The following ARID1A variants were observed in gnomAD, a reference collection of about 807,000 sequenced individuals.
The protein encoded by ARID1A is AT-rich interactive domain-containing protein 1A.
A neutral mutation model predicts 212.6 loss-of-function variants in ARID1A; 20 were observed. The observed-to-expected ratio is 0.09, with a 90% CI of 0.07 to 0.14. The LOEUF (loss-of-function observed/expected upper bound fraction) is 0.14. ARID1A is among the 10% of genes least tolerant of loss of function. The pLI is 1.00. For missense variants in ARID1A, 2,587 were observed against 3,059.0 expected, an observed-to-expected ratio of 0.85 and a Z score of 3.64; for synonymous variants, 1,376 against 1,222.1, an observed-to-expected ratio of 1.13 and a Z score of -2.63.
intron 1 of ARID1A, among the ~76,000 whole-genome samples, chr1:26,697,893 G>T (rs1364666574): frequency 6.6e-6 from 1 of 152,052 alleles, no homozygotes; most frequent in Non-Finnish European, 1.5e-5. Context: ...TAGGAGTGTA[G>T]GCAGTGGTAG....
At chr1:26,701,246 C>G (rs1273999049) in intron 1 of ARID1A, among the ~76,000 whole-genome samples, 1 of 152,190 alleles carries the variant, frequency 6.6e-6, no homozygotes, top group Admixed American at 6.5e-5. Context: ...ATTCTAGAAG[C>G]AACTGAAGCT....
At chr1:26,776,137 G>GA (rs2081132830) in intron 19 of ARID1A, among the ~76,000 whole-genome samples, 1 of 151,800 alleles carries the variant, frequency 6.6e-6, no homozygotes, top group South Asian at 2.1e-4. Context: ...GGCCCAGCCT[G>GA]AATCTGTGGT....
intron 1 of ARID1A, among the ~76,000 whole-genome samples, chr1:26,724,160 A>G (rs999022825): frequency 1.3e-5 from 2 of 152,182 alleles, no homozygotes; most frequent in Admixed American, 6.5e-5. Flanking sequence ...AATAATACTT[A>G]AATGTCCAAA....
At chr1:26,736,384 C>T (rs1223421188) in intron 4 of ARID1A, among the ~76,000 whole-genome samples, 1 of 150,062 alleles carries the variant, frequency 6.7e-6, no homozygotes, top group Non-Finnish European at 1.5e-5. Context: ...AATCCCAGCA[C>T]TTTGGGAGGC....
At chr1:26,739,703 G>C (rs886656018) in intron 4 of ARID1A, among the ~76,000 whole-genome samples, 31 of 152,144 alleles carry the variant, frequency 2.0e-4, no homozygotes, top group Admixed American at 5.9e-4. Context: ...CGGAGCCCTT[G>C]CCCTGCCAGT....
In ARID1A at chr1:26,746,144, T is replaced by C. The variant is rs570843891; in HGVS notation, c.1920+13352T>C. 8.5e-5 allele frequency among the ~76,000 whole-genome samples: 13 copies of C among 152,296 alleles called. No homozygotes were observed. In the South Asian group the frequency reaches 1.2e-3, roughly 15 times the overall value. The stretch of plus-strand genomic sequence containing the variant: ...AAAGGGAAGGAGTTATGAACAGATA[T>C]GAGGTTGAGATTTCTAGATTTCTAG... On this transcript the variant is annotated intron_variant, in intron 4 of 19. Coordinates refer to ENST00000324856, the MANE Select transcript of ARID1A (RefSeq NM_006015.6).
Position 26,779,671 on chromosome 1 carries a change from G to A in ARID1A, c.5773G>A (p.Asp1925Asn), listed in dbSNP as rs2124142665. 1 of 1,614,128 alleles carries A rather than the reference G, an allele frequency of 6.2e-7. No individual in the cohort carries two copies. Among genetic ancestry groups the A allele is most frequent in the South Asian group, 1.1e-5 (1 of 91,072 alleles). The change falls in exon 20 of 20, where the codon GAT (aspartate) becomes AAT (asparagine). Residue 1925 changes from aspartate (D) to asparagine (N), a missense_variant. Asp to Asn is a conservative substitution (Grantham distance 23, BLOSUM62 1). Coordinates refer to ENST00000324856, the MANE Select transcript of ARID1A (RefSeq NM_006015.6). ...TACTCGGTCTAGCACCTTGACCGAGGATGGAGCTAAGAGTTCAGAGGCCAT... is the reference window on the plus strand; with the variant it reads ...TACTCGGTCTAGCACCTTGACCGAGAATGGAGCTAAGAGTTCAGAGGCCAT... The part of the protein sequence containing the change: ...LSTRSSTLTE[D>N]GAKSSEAIKE...
Position 26,766,506 on chromosome 1 carries a change from T to C in ARID1A, c.2928T>C (p.Thr976=). The change falls in exon 10 of 20, where the codon ACT becomes ACC. Residue 976 remains threonine, a synonymous_variant. Transcript: ENST00000324856. ...EMMGLGDVKL[T]PATKMNNKAD... is the part of the protein sequence containing the mutation. ...TGGGCCTTGGGGATGTAAAGTTAAC[T>C]CCAGCCACCAAAATGAACAACAAGG... is the stretch of plus-strand genomic sequence containing the variant. 1.9e-6 allele frequency: 3 copies of C among 1,614,010 alleles called. No homozygotes were observed. The highest frequency in any genetic ancestry group is 2.5e-6 in the Non-Finnish European group (3 of 1,179,978).
At chr1:26,751,492 A>G (rs1306127752) in intron 4 of ARID1A, among the ~76,000 whole-genome samples, 1 of 151,426 alleles carries the variant, frequency 6.6e-6, no homozygotes, top group African/African-American at 2.4e-5. Flanking sequence ...AAAGAGTGTA[A>G]AGTAATAATG....
intron 1 of ARID1A, among the ~76,000 whole-genome samples, chr1:26,700,843 G>A (rs1259943873): frequency 1.3e-5 from 2 of 152,230 alleles, no homozygotes; most frequent in South Asian, 2.1e-4. Flanking sequence ...CACTGAGATG[G>A]CACTTTAGTT....
At position 26,766,209 on chromosome 1, in the gene ARID1A, C is replaced by G. The variant is rs973431502; in HGVS notation, c.2733-12C>G. ...AACCTTTGTCTCTCTCACTTTCCAT[C>G]TTCTTCCTTAGGCCGCCAGGCTACC... On this transcript the variant is annotated splice_polypyrimidine_tract_variant and intron_variant, in intron 8 of 19. Transcript: ENST00000324856. The G allele has an allele frequency of 6.2e-7, 1 of 1,611,216 alleles. No homozygotes were observed. The highest frequency in any genetic ancestry group is 8.5e-7 in the Non-Finnish European group (1 of 1,178,772).
At position 26,696,176 on chromosome 1, in the gene ARID1A, G is replaced by A; in HGVS notation, c.-228G>A. The A allele has an allele frequency of 3.5e-6, 2 of 573,894 alleles. No homozygotes were observed. Among genetic ancestry groups the A allele is most frequent in the East Asian group, 4.9e-5 (1 of 20,396 alleles). The allele number at this position is 573,894 out of a possible 1,614,324, so 35.6% of individuals were successfully genotyped here. On this transcript the variant is annotated 5_prime_UTR_variant, in exon 1 of 20. Coordinates refer to ENST00000324856, the MANE Select transcript of ARID1A (RefSeq NM_006015.6). ...AGCCGGGAGCAGCTGAGCCGCCGGC[G>A]CCTCGGCCGCCGCCGCCGCCTCCTC...
chr1:26,718,414 C>T (rs2080524922), intron 1 of ARID1A, among the ~76,000 whole-genome samples: 1 of 152,210 alleles, frequency 6.6e-6, no homozygotes, highest in Non-Finnish European at 1.5e-5. Context: ...TGGCCATGTA[C>T]AATAGTCCTC....
At chr1:26,776,700 AC>A (rs1264553661) in intron 19 of ARID1A, among the ~76,000 whole-genome samples, 1 of 152,160 alleles carries the variant, frequency 6.6e-6, no homozygotes, top group African/African-American at 2.4e-5. Context: ...TTTAGTACCT[AC>A]CAACCTGTAT....
At chr1:26,725,357 T>C (rs2080606281) in intron 1 of ARID1A, among the ~76,000 whole-genome samples, 1 of 152,206 alleles carries the variant, frequency 6.6e-6, no homozygotes, top group African/African-American at 2.4e-5. Flanking sequence ...GATTGGGAGA[T>C]GGCATTTCAT....
intron 4 of ARID1A, among the ~76,000 whole-genome samples, chr1:26,745,774 A>G (rs1233235217): frequency 6.6e-6 from 1 of 152,186 alleles, no homozygotes; most frequent in Non-Finnish European, 1.5e-5. Flanking sequence ...AAAAGGCCGC[A>G]GGCACGGTAG....
At chr1:26,741,737 GA>G (rs1456413215) in intron 4 of ARID1A, among the ~76,000 whole-genome samples, 6 of 152,200 alleles carry the variant, frequency 3.9e-5, no homozygotes, top group Admixed American at 6.5e-5. Context: ...GTGGAGAACA[GA>G]ATTAGGATCT....
rs1315672186 is a variant in ARID1A, at chr1:26,747,276, A to T, written c.1921-13580A>T. On this transcript the variant is annotated intron_variant, in intron 4 of 19. Coordinates refer to ENST00000324856, the MANE Select transcript of ARID1A (RefSeq NM_006015.6). ...TGTTATCAGCATAGAATTGGTTGGT[A>T]TTGTGACATAATCTGATTGCCTTGA... Among the ~76,000 whole-genome samples the T allele has an allele frequency of 2.6e-5, 4 of 152,156 alleles. No individual in the cohort carries two copies. The East Asian group carries it at 7.7e-4, about 29-fold the overall frequency.
intron 1 of ARID1A, among the ~76,000 whole-genome samples, chr1:26,704,302 C>T (rs1263132463): frequency 6.6e-6 from 1 of 152,152 alleles, no homozygotes; most frequent in Non-Finnish European, 1.5e-5. Flanking sequence ...GTCATGTCAC[C>T]TTCAGAGTTG....
Sources: gnomAD v4.1 joint callset for allele counts (sites outside exome capture counted in the v4.1 genomes callset) on GRCh38, gnomAD v4.1.1 for gene constraint, MANE v1.5 for transcripts, NCBI Gene and HGNC (gene_info 2026-07-23, HGNC 2026-07-21) for gene names.